NEK10: variants seen among roughly 807,000 people sequenced by gnomAD.
NEK10 encodes the protein serine/threonine-protein kinase Nek10.
A neutral mutation model predicts 159.8 loss-of-function variants in NEK10; 122 were observed. The observed-to-expected ratio is 0.76, with a 90% CI of 0.66 to 0.89. NEK10 has a LOEUF of 0.89. NEK10 is among the 40% of genes least tolerant of loss of function. The pLI is 0.00. For synonymous variants in NEK10, 466 were observed against 457.1 expected (o/e 1.02, Z -0.25); for missense variants, 1,342 against 1,323.1 (o/e 1.01, Z -0.22).
intron 22 of NEK10, among the ~76,000 whole-genome samples, chr3:27,268,066 T>G (rs770974674): frequency 2.0e-5 from 3 of 152,196 alleles, no homozygotes; most frequent in Non-Finnish European, 4.4e-5. Context: ...CTTAAGCCAA[T>G]GCCCAATCTG....
chr3:27,147,099 C>G (rs897051305), intron 30 of NEK10, among the ~76,000 whole-genome samples: 5 of 152,178 alleles, frequency 3.3e-5, no homozygotes, highest in Non-Finnish European at 5.9e-5. Context: ...CAGAAAGTCA[C>G]AACTTCTTTG....
chr3:27,282,756 T>C (rs1043034253), intron 22 of NEK10, among the ~76,000 whole-genome samples: 3 of 144,304 alleles, frequency 2.1e-5, no homozygotes, highest in African/African-American at 7.5e-5. Context: ...GTTATATATA[T>C]ATACTATTTG....
chr3:27,360,307 G>A (rs1458164524), intron 1 of NEK10, among the ~76,000 whole-genome samples: 1 of 152,084 alleles, frequency 6.6e-6, no homozygotes, highest in African/African-American at 2.4e-5. Flanking sequence ...GGTGTAGAGA[G>A]TGGTAGAGCT....
intron 23 of NEK10, among the ~76,000 whole-genome samples, chr3:27,230,417 C>T (rs957324808): frequency 2.6e-5 from 4 of 151,914 alleles, no homozygotes; most frequent in Admixed American, 6.6e-5. Flanking sequence ...AATAGAACCA[C>T]CTTAAAGCAT....
At chr3:27,313,347 ATATT>A (rs2044866789) in intron 7 of NEK10, among the ~76,000 whole-genome samples, 1 of 152,168 alleles carries the variant, frequency 6.6e-6, no homozygotes, top group African/African-American at 2.4e-5. Context: ...CTCAGTATAT[ATATT>A]CACTTGCTTA....
intron 26 of NEK10, among the ~76,000 whole-genome samples, chr3:27,179,077 T>A (rs1177706541): frequency 6.6e-6 from 1 of 152,304 alleles, no homozygotes; most frequent in African/African-American, 2.4e-5. Context: ...TTTCCCAAAA[T>A]GGTTTGGATG....
chr3:27,301,404 C>T (rs2043814125), intron 13 of NEK10, among the ~76,000 whole-genome samples: 1 of 152,168 alleles, frequency 6.6e-6, no homozygotes, highest in African/African-American at 2.4e-5. Context: ...AAGCTGCATC[C>T]CCTAATCCAG....
At chr3:27,264,858 C>T (rs2149368272) in intron 22 of NEK10, among the ~76,000 whole-genome samples, 1 of 151,928 alleles carries the variant, frequency 6.6e-6, no homozygotes, top group South Asian at 2.1e-4. Flanking sequence ...CACATCACTG[C>T]ACTCCAGCCT....
At chr3:27,144,337 C>G (rs145128370) in intron 30 of NEK10, among the ~76,000 whole-genome samples, 1 of 152,302 alleles carries the variant, frequency 6.6e-6, no homozygotes, top group African/African-American at 2.4e-5. Context: ...GTGGACACTT[C>G]CTTTGCTTTC....
intron 23 of NEK10, among the ~76,000 whole-genome samples, chr3:27,232,574 T>C (rs1332344322): frequency 6.6e-6 from 1 of 151,842 alleles, no homozygotes; most frequent in Non-Finnish European, 1.5e-5. Context: ...CTAAAATTCA[T>C]ATGGAACAAA....
At chr3:27,165,427 T>A (rs1267743402) in intron 29 of NEK10, among the ~76,000 whole-genome samples, 1 of 152,322 alleles carries the variant, frequency 6.6e-6, no homozygotes, top group East Asian at 1.9e-4. Flanking sequence ...CAATAGAGCA[T>A]TACGGCTACA....
chr3:27,195,737 T>C (rs1339045226), intron 25 of NEK10, among the ~76,000 whole-genome samples: 1 of 152,228 alleles, frequency 6.6e-6, no homozygotes, highest in Non-Finnish European at 1.5e-5. Context: ...CGTCCTTTTT[T>C]CAGAGAAACT....
At chr3:27,257,799 T>C (rs2149331693) in intron 22 of NEK10, among the ~76,000 whole-genome samples, 1 of 105,756 alleles carries the variant, frequency 9.5e-6, no homozygotes, top group East Asian at 2.2e-4. Flanking sequence ...TTTTTTTTTT[T>C]TTTTTTTGAG....
chr3:27,121,630 T>G (rs867589908), intron 32 of NEK10, among the ~76,000 whole-genome samples: 3 of 152,234 alleles, frequency 2.0e-5, no homozygotes, highest in African/African-American at 7.2e-5. Flanking sequence ...GCCATGATTG[T>G]GAGGCTTCCC....
At chr3:27,214,717 C>G in intron 23 of NEK10, 1 of 700,746 alleles carries the variant, frequency 1.4e-6, no homozygotes. Context: ...CAGCTTACTT[C>G]ACGGCACTTC....
intron 23 of NEK10, among the ~76,000 whole-genome samples, chr3:27,232,029 A>T (rs894234338): frequency 7.2e-5 from 11 of 152,102 alleles, no homozygotes; most frequent in African/African-American, 2.6e-4. Context: ...AAAGGACATA[A>T]CAAAAAAAGA....
chr3:27,191,251 G>T (rs1409286388), intron 26 of NEK10, among the ~76,000 whole-genome samples: 1 of 151,348 alleles, frequency 6.6e-6, no homozygotes, highest in Non-Finnish European at 1.5e-5. Flanking sequence ...GGTACCCTAA[G>T]AAAGAGTTTT....
intron 16 of NEK10, among the ~76,000 whole-genome samples, chr3:27,293,306 AAAAG>A (rs1164701790): frequency 6.6e-6 from 1 of 152,246 alleles, no homozygotes; most frequent in African/African-American, 2.4e-5. Flanking sequence ...TTAATTATCA[AAAAG>A]AAAGCTAAAA....
intron 22 of NEK10, among the ~76,000 whole-genome samples, chr3:27,277,356 A>G: frequency 6.6e-6 from 1 of 152,110 alleles, no homozygotes; most frequent in Non-Finnish European, 1.5e-5. Context: ...GGCTTTTTGC[A>G]CCTGAACATA....
Sources: gnomAD v4.1 joint callset for allele counts (sites outside exome capture counted in the v4.1 genomes callset) on GRCh38, gnomAD v4.1.1 for gene constraint, MANE v1.5 for transcripts, NCBI Gene and HGNC (gene_info 2026-07-23, HGNC 2026-07-21) for gene names.